Variants in MINAR1 observed in about 807,000 individuals in gnomAD.
MINAR1 encodes membrane integral NOTCH2 associated receptor 1.
Under a neutral mutation model 65.1 loss-of-function variants are expected in MINAR1, and 40 were observed. That is an observed-to-expected ratio of 0.61 (90% CI 0.48 to 0.80). The LOEUF is 0.80. Among genes scored for constraint, MINAR1 ranks in the 30% least tolerant of loss-of-function variants. MINAR1 has a pLI of 0.00. For synonymous variants in MINAR1, 482 were observed against 449.1 expected (o/e 1.07, Z -0.93); for missense variants, 1,128 against 1,148.0 (o/e 0.98, Z 0.25).
chr15:79,467,448 G>A (rs746497344), intron 3 of MINAR1, among the ~76,000 whole-genome samples: 7 of 152,144 alleles, frequency 4.6e-5, no homozygotes, highest in Non-Finnish European at 1.0e-4. Context: ...TAGGATTCAC[G>A]GAAAATACAA....
At chr15:79,465,289 C>T (rs565582607) in intron 3 of MINAR1, among the ~76,000 whole-genome samples, 152 of 152,218 alleles carry the variant, frequency 1.0e-3, no homozygotes, top group Non-Finnish European at 1.6e-3. Context: ...TTTGCAGACT[C>T]GAGTACAGTC....
Position 79,456,905 on chromosome 15 carries a change from G to A in MINAR1, c.758G>A (p.Cys253Tyr). ...GAGGAGCCATTTGTGGTCCAGTCCT[G>A]TGTCCAGAAAAGGAATATCTTCAAA... The part of the protein sequence containing the change: ...SNEEPFVVQS[C>Y]VQKRNIFKED... The change falls in exon 2 of 4, where the codon TGT becomes TAT. Residue 253 changes from cysteine (C) to tyrosine (Y), a missense_variant. By Grantham distance (194) the Cys-to-Tyr change is radical. Coordinates refer to ENST00000305428, the MANE Select transcript of MINAR1 (RefSeq NM_015206.3). 2.5e-6 allele frequency: 4 copies of A among 1,614,090 alleles called. No homozygotes were observed. Among genetic ancestry groups the A allele is most frequent in the Non-Finnish European group, 3.4e-6 (4 of 1,180,020 alleles).
chr15:79,468,890 G>T lies in MINAR1; in HGVS notation c.*506G>T, dbSNP rs1211897560. ...TGTCCCTAAAGGGTATTACTTCTCT[G>T]TCGACTTTTATCAAGGGCTACTGAC... On this transcript the variant is annotated 3_prime_UTR_variant, in exon 4 of 4. Transcript: ENST00000305428. 1 of 161,000 alleles carries T rather than the reference G, an allele frequency of 6.2e-6. No homozygotes were observed. 10.0% of individuals were successfully genotyped at this position (161,000 alleles called of 1,614,324 possible). A position where few individuals can be genotyped will look rare whatever the true frequency, so the allele number is the denominator to read the frequency against.
chr15:79,461,665 ATGTTATGCTC>A (rs544149929), intron 2 of MINAR1, among the ~76,000 whole-genome samples: 122 of 152,338 alleles, frequency 8.0e-4, no homozygotes, highest in South Asian at 2.3e-3. Context: ...GAATAGCCAA[ATGTTATGCTC>A]TATTTGGGTA....
At chr15:79,428,584 C>A (rs569337835), upstream of MINAR1, among the ~76,000 whole-genome samples, 2 of 150,338 alleles carry the variant, frequency 1.3e-5, no homozygotes, top group African/African-American at 4.9e-5. Context: ...CAAACTTTTG[C>A]GGAATACCTG....
At chr15:79,424,699 A>C in the MINAR1 span, 1 of 152,222 alleles carries the variant, frequency 6.6e-6, no homozygotes, top group Non-Finnish European at 1.5e-5. Context: ...AAAATGAAAG[A>C]GATTCATGCT....
At chr15:79,460,522 C>T (rs1459507800) in intron 2 of MINAR1, among the ~76,000 whole-genome samples, 13 of 152,184 alleles carry the variant, frequency 8.5e-5, no homozygotes, top group African/African-American at 2.9e-4. Context: ...TGCCTTCTGT[C>T]GTGTCTTTTG....
intron 1 of MINAR1, among the ~76,000 whole-genome samples, chr15:79,453,907 G>A (rs865794554): frequency 1.3e-5 from 2 of 152,294 alleles, no homozygotes; most frequent in Middle Eastern, 6.8e-3. Flanking sequence ...TTCCTGGGAG[G>A]TGCATGGTAG....
At chr15:79,437,039 G>T (rs114145738) in intron 1 of MINAR1, among the ~76,000 whole-genome samples, 5 of 152,182 alleles carry the variant, frequency 3.3e-5, no homozygotes, top group Non-Finnish European at 5.9e-5. Context: ...CTTGAGGAGA[G>T]AAGTTTTATT....
chr15:79,463,632 G>A (rs75688332), intron 3 of MINAR1: 1 of 576,536 alleles, frequency 1.7e-6, no homozygotes, highest in Non-Finnish European at 3.3e-6. Context: ...TCTAATATTT[G>A]CTCACAAGAC....
the MINAR1 span, chr15:79,424,362 G>C: frequency 1.1e-4 from 16 of 152,296 alleles, no homozygotes; most frequent in African/African-American, 3.6e-4. Flanking sequence ...ATATTATTTA[G>C]GTATGCTGAA....
At chr15:79,448,598 C>T (rs543248845) in intron 1 of MINAR1, among the ~76,000 whole-genome samples, 3 of 152,294 alleles carry the variant, frequency 2.0e-5, no homozygotes, top group Admixed American at 6.5e-5. Flanking sequence ...AGTGTGCTTT[C>T]GTGAGCGTGA....
In MINAR1 at chr15:79,458,333, C is replaced by G; in HGVS notation, c.2186C>G (p.Ser729Trp). The G allele has an allele frequency of 6.2e-7, 1 of 1,614,212 alleles. No homozygotes were observed. The highest frequency in any genetic ancestry group is 8.5e-7 in the Non-Finnish European group (1 of 1,180,042). ...TCCAAAATTGCCAGCATCTCCAACT[C>G]GCCCAGAGACTGGCGCACCATCACT... ...TESKIASISN[S>W]PRDWRTITYT... Residue 729 changes from serine to tryptophan, a missense_variant, in exon 2 of 4, where the codon TCG becomes TGG. Coordinates refer to ENST00000305428, the MANE Select transcript of MINAR1 (RefSeq NM_015206.3).
chr15:79,431,841 G>C (rs1191731091), upstream of MINAR1, among the ~76,000 whole-genome samples: 2 of 152,204 alleles, frequency 1.3e-5, no homozygotes, highest in Non-Finnish European at 1.5e-5. Flanking sequence ...CTGCAGCCGC[G>C]ACCTGGGACC....
intron 1 of MINAR1, among the ~76,000 whole-genome samples, chr15:79,437,042 G>A (rs192874756): frequency 5.4e-4 from 82 of 152,322 alleles, no homozygotes; most frequent in African/African-American, 1.8e-3. Context: ...GAGGAGAGAA[G>A]TTTTATTCAG....
chr15:79,449,573 A>G (rs928145852), intron 1 of MINAR1, among the ~76,000 whole-genome samples: 5 of 152,202 alleles, frequency 3.3e-5, no homozygotes, highest in Non-Finnish European at 7.3e-5. Context: ...TAAGGGCATG[A>G]AACCCATTCA....
In MINAR1 at chr15:79,468,404, G is replaced by A. The variant is rs374660141; in HGVS notation, c.*20G>A. ...TCATGAGCTAAGAATGCAACCTTAC[G>A]TACAGCTTATGACTACCAATGTCGT... On this transcript the variant is annotated 3_prime_UTR_variant, in exon 4 of 4. Coordinates refer to ENST00000305428, the MANE Select transcript of MINAR1 (RefSeq NM_015206.3). 25 of 1,608,518 alleles carry A rather than the reference G, an allele frequency of 1.6e-5. No individual in the cohort carries two copies. The highest frequency in any genetic ancestry group is 7.7e-5 in the South Asian group (7 of 90,414).
Position 79,457,658 on chromosome 15 carries a change from T to C in MINAR1, c.1511T>C (p.Met504Thr), listed in dbSNP as rs1349065081. ...GQGKYSDRHT[M>T]KHSDDDSEIV... ...GGCAAGTACAGTGACAGGCACACCA[T>C]GAAGCACTCAGACGATGACTCAGAA... Residue 504 changes from methionine to threonine, a missense_variant, in exon 2 of 4, where the codon ATG (methionine) becomes ACG (threonine). Coordinates refer to ENST00000305428, the MANE Select transcript of MINAR1 (RefSeq NM_015206.3). The C allele has an allele frequency of 6.2e-7, 1 of 1,614,124 alleles. No individual in the cohort carries two copies. Among genetic ancestry groups the C allele is most frequent in the Non-Finnish European group, 8.5e-7 (1 of 1,180,026 alleles).
At chr15:79,459,225 C>T (rs920161198) in intron 2 of MINAR1, among the ~76,000 whole-genome samples, 4 of 152,172 alleles carry the variant, frequency 2.6e-5, no homozygotes, top group South Asian at 2.1e-4. Context: ...CACACAAAGA[C>T]GGCAACTCTT....
Sources: gnomAD v4.1 joint callset for allele counts (sites outside exome capture counted in the v4.1 genomes callset) on GRCh38, gnomAD v4.1.1 for gene constraint, MANE v1.5 for transcripts, NCBI Gene and HGNC (gene_info 2026-07-23, HGNC 2026-07-21) for gene names.